AK8: variants seen among roughly 807,000 people sequenced by gnomAD.
The protein encoded by AK8 is ATP-AMP transphosphorylase 8.
Under a neutral mutation model 54.6 loss-of-function variants are expected in AK8, and 44 were observed. The ratio of observed to expected loss-of-function variants is 0.81; its 90% CI spans 0.63 to 1.04. AK8 has a LOEUF of 1.04. Among genes scored for constraint, AK8 ranks in the 50% least tolerant of loss-of-function variants. The probability of loss-of-function intolerance (pLI) is 0.00; values close to 1 mark genes in which losing one functional copy is unlikely to be tolerated. For synonymous variants in AK8, 239 were observed against 245.6 expected (o/e 0.97, Z 0.25); for missense variants, 555 against 613.6 (o/e 0.90, Z 1.01).
At chr9:132,811,804 C>T (rs1182709645) in intron 10 of AK8, among the ~76,000 whole-genome samples, 1 of 152,184 alleles carries the variant, frequency 6.6e-6, no homozygotes, top group South Asian at 2.1e-4. Flanking sequence ...TTTCTCCATA[C>T]AAGAGTGTGC....
rs34462868 is a variant in AK8, at chr9:132,800,919, CT to C, written c.980-8145del. Among the ~76,000 whole-genome samples the C allele has an allele frequency of 4.2e-3, 520 of 123,808 alleles. 7 individuals carry two copies. The highest frequency in any genetic ancestry group is 0.019 in the East Asian group (81 of 4,348). 81.2% of individuals were successfully genotyped at this position (123,808 alleles called of 152,430 possible). A position where few individuals can be genotyped will look rare whatever the true frequency, so the allele number is the denominator to read the frequency against. On this transcript the variant is annotated intron_variant, in intron 10 of 12. Coordinates refer to ENST00000298545, the MANE Select transcript of AK8 (RefSeq NM_152572.3). ...CCAACAGTGAATATTTCAGTTTGTC[CT>C]TTTTTTTTTTTTTTTTTTTGAGACG...
At chr9:132,786,097 T>TA (rs888176264) in intron 11 of AK8, among the ~76,000 whole-genome samples, 27 of 152,188 alleles carry the variant, frequency 1.8e-4, no homozygotes, top group African/African-American at 6.5e-4. Flanking sequence ...AGCCAAATCC[T>TA]AAATCAGTAG....
At chr9:132,735,373 C>T (rs767603469) in intron 11 of AK8, among the ~76,000 whole-genome samples, 5 of 152,156 alleles carry the variant, frequency 3.3e-5, no homozygotes, top group African/African-American at 4.8e-5. Flanking sequence ...TTGAGAGATA[C>T]GATGTACAAT....
At chr9:132,727,402 T>C (rs1470814366) in intron 12 of AK8, 52 bp downstream of exon 12, 1 of 1,549,078 alleles carries the variant, frequency 6.5e-7, no homozygotes, top group Non-Finnish European at 8.9e-7. Flanking sequence ...GTCAGTTGGG[T>C]CTGGCCCCTG....
rs867482400 is a variant in AK8 at position 132,866,972 on chromosome 9, T to G, written c.170-19A>C. On this transcript the variant is annotated intron_variant, in intron 2 of 12. Coordinates refer to ENST00000298545, the MANE Select transcript of AK8 (RefSeq NM_152572.3). ...CTGGGCACTGTGGAATAAAAAGATTTGAATGTCACCACTCAACATGACAAG... is the reference window on the plus strand; with the variant it reads ...CTGGGCACTGTGGAATAAAAAGATTGGAATGTCACCACTCAACATGACAAG... 1.2e-6 allele frequency: 2 copies of G among 1,613,716 alleles called. No homozygotes were observed. The highest frequency in any genetic ancestry group is 3.3e-4 in the Middle Eastern group (2 of 6,062).
chr9:132,834,520 G>C (rs1842238054), intron 5 of AK8, among the ~76,000 whole-genome samples: 1 of 152,130 alleles, frequency 6.6e-6, no homozygotes, highest in Non-Finnish European at 1.5e-5. Context: ...ACTGAACACG[G>C]AACGTTAGTA....
intron 5 of AK8, among the ~76,000 whole-genome samples, chr9:132,838,095 T>C (rs1292548387): frequency 1.3e-5 from 2 of 152,204 alleles, no homozygotes; most frequent in Admixed American, 6.5e-5. Flanking sequence ...AGTGGTGTAA[T>C]TAATGCCAGC....
At chr9:132,750,760 C>G (rs1195433048) in intron 11 of AK8, among the ~76,000 whole-genome samples, 1 of 151,966 alleles carries the variant, frequency 6.6e-6, no homozygotes, top group Non-Finnish European at 1.5e-5. Context: ...AAATCTGCAC[C>G]TAACGTCAGG....
At chr9:132,843,355 C>T (rs1588201916) in intron 5 of AK8, among the ~76,000 whole-genome samples, 1 of 152,140 alleles carries the variant, frequency 6.6e-6, no homozygotes, top group African/African-American at 2.4e-5. Context: ...CACCTTCTGC[C>T]GTGATGGTAA....
At chr9:132,771,499 A>G (rs1376693050) in intron 11 of AK8, among the ~76,000 whole-genome samples, 1 of 152,192 alleles carries the variant, frequency 6.6e-6, no homozygotes, top group Non-Finnish European at 1.5e-5. Context: ...CAGGCTCTCA[A>G]TAAGGCCATT....
rs1171498968 is a variant in AK8 at position 132,878,044 on chromosome 9, T to A, written c.84+128A>T. 1 of 1,538,376 alleles carries A rather than the reference T, an allele frequency of 6.5e-7. No homozygotes were observed. Among genetic ancestry groups the A allele is most frequent in the African/African-American group, 1.4e-5 (1 of 72,618 alleles). On this transcript the variant is annotated intron_variant, in intron 1 of 12. Coordinates refer to ENST00000298545, the MANE Select transcript of AK8 (RefSeq NM_152572.3). This position sits in a 1 kb window ranked among gnomAD's most constrained non-coding sequence, Gnocchi z 4.7. The stretch of plus-strand genomic sequence containing the variant: ...GTCACGGCGACACACGAATCGTACA[T>A]CCCGAGTTGGGCTGCTTCGTGGGCG...
intron 11 of AK8, among the ~76,000 whole-genome samples, chr9:132,780,821 G>C (rs1839432020): frequency 1.3e-5 from 2 of 152,186 alleles, no homozygotes; most frequent in Non-Finnish European, 1.5e-5. Context: ...TTTGCTGAAT[G>C]TCATTGCCAC....
chr9:132,767,348 T>A (rs1483017511), intron 11 of AK8, among the ~76,000 whole-genome samples: 1 of 152,032 alleles, frequency 6.6e-6, no homozygotes, highest in East Asian at 1.9e-4. Flanking sequence ...AACAGGCATA[T>A]GAAAATAAAT....
chr9:132,758,701 C>T lies in AK8; in HGVS notation c.1122-31167G>A, dbSNP rs111383556. The stretch of plus-strand genomic sequence containing the variant: ...CTCTAACTCCTGAGCTCAAGTGATC[C>T]GCCTGCCTCAGCTTCCCAAAGTGTG... On this transcript the variant is annotated intron_variant, in intron 11 of 12. Coordinates refer to ENST00000298545, the MANE Select transcript of AK8 (RefSeq NM_152572.3). Among the ~76,000 whole-genome samples the T allele has an allele frequency of 7.7e-3, 1,165 of 152,010 alleles. 19 individuals are homozygous for T. The highest frequency in any genetic ancestry group is 0.027 in the African/African-American group (1,108 of 41,454).
At position 132,826,735 on chromosome 9, in the gene AK8, G is replaced by T; in HGVS notation, c.757+119C>A. On this transcript the variant is annotated intron_variant, in intron 8 of 12. Transcript: ENST00000298545. This position sits in a 1 kb window ranked among gnomAD's most constrained non-coding sequence, Gnocchi z 4.5. ...CGGGTCATCTATGTCTTGACTTCCA[G>T]GGTCCCAGGCATGTCCCAGACACTG... 8.4e-7 allele frequency: 1 copy of T among 1,186,314 alleles called. No individual in the cohort carries two copies. 73.5% of individuals were successfully genotyped at this position (1,186,314 alleles called of 1,614,324 possible). A position where few individuals can be genotyped will look rare whatever the true frequency, so the allele number is the denominator to read the frequency against.
In AK8 at chr9:132,826,759, T is replaced by C; in HGVS notation, c.757+95A>G. 1 of 1,393,692 alleles carries C rather than the reference T, an allele frequency of 7.2e-7. No homozygotes were observed. Among genetic ancestry groups the C allele is most frequent in the Non-Finnish European group, 1.0e-6 (1 of 997,014 alleles). 86.3% of individuals were successfully genotyped at this position (1,393,692 alleles called of 1,614,324 possible). On this transcript the variant is annotated intron_variant, in intron 8 of 12. Coordinates refer to ENST00000298545, the MANE Select transcript of AK8 (RefSeq NM_152572.3). This position sits in a 1 kb window ranked among gnomAD's most constrained non-coding sequence, Gnocchi z 4.5. ...AGGGTCCCAGGCATGTCCCAGACAC[T>C]GGCCACTACCAGAATAAGGGACAAA...
At chr9:132,870,096 A>G (rs1452372567) in intron 2 of AK8, among the ~76,000 whole-genome samples, 1 of 152,186 alleles carries the variant, frequency 6.6e-6, no homozygotes, top group African/African-American at 2.4e-5. Flanking sequence ...ACCTGACTCC[A>G]CGCATTCATC....
intron 11 of AK8, among the ~76,000 whole-genome samples, chr9:132,730,562 A>G (rs754940065): frequency 6.6e-6 from 1 of 152,000 alleles, no homozygotes; most frequent in Non-Finnish European, 1.5e-5. Flanking sequence ...TTGCATCAGA[A>G]TCCCGTCAGG....
chr9:132,752,612 C>T (rs1418048868), intron 11 of AK8, among the ~76,000 whole-genome samples: 1 of 152,154 alleles, frequency 6.6e-6, no homozygotes, highest in East Asian at 1.9e-4. Flanking sequence ...GAAATAACCA[C>T]CTTCGCCACA....
Sources: allele counts gnomAD v4.1 joint callset (sites outside exome capture counted in the v4.1 genomes callset), GRCh38; gene constraint gnomAD v4.1.1; non-coding constraint Gnocchi (gnomAD v3.1); transcripts MANE v1.5; gene names NCBI Gene and HGNC (gene_info 2026-07-23, HGNC 2026-07-21).